Variants in MYOCD observed in about 807,000 individuals in gnomAD.
MYOCD encodes the protein myocardin.
MYOCD carries 32 observed loss-of-function variants against 96.1 expected under a neutral mutation model. The ratio of observed to expected loss-of-function variants is 0.33; its 90% CI spans 0.25 to 0.45. The LOEUF is 0.45. Ranked by LOEUF, MYOCD falls within the 20% of genes least tolerant of loss-of-function variation. MYOCD has a pLI of 1.00. For missense variants in MYOCD, 1,133 were observed against 1,200.6 expected (o/e 0.94, Z 0.83); for synonymous variants, 469 against 469.0 (o/e 1.00, Z 0.00).
At position 12,763,675 on chromosome 17, in the gene MYOCD, C is replaced by CA; in HGVS notation, c.*33dup. 6.4e-7 allele frequency: 1 copy of CA among 1,557,928 alleles called. No homozygotes were observed. On this transcript the variant is annotated 3_prime_UTR_variant, in exon 14 of 14. Coordinates refer to ENST00000425538, the MANE Select transcript of MYOCD (RefSeq NM_001146312.3). ...CCAATGCACCAGTGCTATGGAAGAC[C>CA]AATGGAGTTCCATGGGGGAAAGCAC...
chr17:12,666,166 C>A lies in MYOCD; in HGVS notation c.-23C>A, dbSNP rs1413025146. ...GAACAGGGGGCGCCTGGCCAAGGGA[C>A]CAGCGGCTTGCTGAGACTCAACATG... On this transcript the variant is annotated 5_prime_UTR_variant, in exon 1 of 14. Coordinates refer to ENST00000425538, the MANE Select transcript of MYOCD (RefSeq NM_001146312.3). 1 of 1,609,550 alleles carries A rather than the reference C, an allele frequency of 6.2e-7. No individual in the cohort carries two copies. Among genetic ancestry groups the A allele is most frequent in the Non-Finnish European group, 8.5e-7 (1 of 1,176,506 alleles).
rs1326247814 is a variant in MYOCD at position 12,744,232 on chromosome 17, C to G, written c.767C>G (p.Pro256Arg). 3.7e-6 allele frequency: 6 copies of G among 1,614,176 alleles called. No individual in the cohort carries two copies. The Admixed American group carries it at 1.0e-4, about 27-fold the overall frequency. Residue 256 changes from proline to arginine, a missense_variant, in exon 8 of 14, where the codon CCC (proline) becomes CGC (arginine). By Grantham distance (103) the Pro-to-Arg change is moderately radical (BLOSUM62 -2). Transcript: ENST00000425538. ...SKNRHKKPKDPKPKVKKLKYH... is the reference protein window; with the variant it reads ...SKNRHKKPKDRKPKVKKLKYH... ...AACCGCCACAAAAAGCCCAAGGACCCCAAGCCAAAGGTGAAGAAGCTTAAA... is the reference window on the plus strand; with the variant it reads ...AACCGCCACAAAAAGCCCAAGGACCGCAAGCCAAAGGTGAAGAAGCTTAAA...
At chr17:12,694,296 C>T (rs1031866848) in intron 1 of MYOCD, among the ~76,000 whole-genome samples, 2 of 152,154 alleles carry the variant, frequency 1.3e-5, no homozygotes, top group Admixed American at 6.5e-5. Flanking sequence ...CTGCAGGTGG[C>T]TGTGCCCAGA....
chr17:12,726,859 T>A (rs2032014407), intron 5 of MYOCD, among the ~76,000 whole-genome samples: 1 of 152,304 alleles, frequency 6.6e-6, no homozygotes, highest in South Asian at 2.1e-4. Context: ...AAGAAACCAG[T>A]GCCTTTTCCA....
At chr17:12,744,944 G>A (rs2032618397) in intron 8 of MYOCD, among the ~76,000 whole-genome samples, 1 of 152,220 alleles carries the variant, frequency 6.6e-6, no homozygotes, top group African/African-American at 2.4e-5. Flanking sequence ...AAGTGAAACT[G>A]CCAATAGGTG....
At chr17:12,760,517 A>G (rs2150728275) in intron 12 of MYOCD, 133 bp from the exon 13 acceptor site, 2 of 696,516 alleles carry the variant, frequency 2.9e-6, no homozygotes, top group South Asian at 3.3e-5. Context: ...AGTTATGTGT[A>G]TTTTGCCACA....
At chr17:12,673,620 A>C (rs550051553) in intron 1 of MYOCD, among the ~76,000 whole-genome samples, 1 of 152,350 alleles carries the variant, frequency 6.6e-6, no homozygotes, top group African/African-American at 2.4e-5. Context: ...ATCTGTATGC[A>C]TAACACTACT....
chr17:12,667,905 G>A lies in MYOCD; in HGVS notation c.55+1662G>A, dbSNP rs1481133117. Reference sequence around the variant, plus strand: ...GGCTTTTGTGTCATAAGGAAAGGTAGCTTCGGGAAAACATGATATCACAGC... The same window carrying A: ...GGCTTTTGTGTCATAAGGAAAGGTAACTTCGGGAAAACATGATATCACAGC... On this transcript the variant is annotated intron_variant, in intron 1 of 13. Coordinates refer to ENST00000425538, the MANE Select transcript of MYOCD (RefSeq NM_001146312.3). Among the ~76,000 whole-genome samples the A allele has an allele frequency of 1.3e-5, 2 of 151,672 alleles. 1 individual carries two copies. Among genetic ancestry groups the A allele is most frequent in the Non-Finnish European group, 2.9e-5 (2 of 68,018 alleles).
intron 1 of MYOCD, among the ~76,000 whole-genome samples, chr17:12,692,559 G>A (rs75729733): frequency 0.01 from 1,539 of 152,244 alleles, 25 homozygotes; most frequent in African/African-American, 0.034. Flanking sequence ...TATGTTTTCC[G>A]TTCCCAATGT....
intron 1 of MYOCD, chr17:12,671,885 A>G (rs966142538): frequency 2.0e-5 from 3 of 152,226 alleles, no homozygotes. Flanking sequence ...CTTTATTTTC[A>G]TCTAATTAGC....
chr17:12,671,286 T>C (rs1909697421), intron 1 of MYOCD, among the ~76,000 whole-genome samples: 1 of 152,190 alleles, frequency 6.6e-6, no homozygotes, highest in Non-Finnish European at 1.5e-5. Flanking sequence ...CTAAAGTCTA[T>C]TCAAAAACAT....
chr17:12,727,836 C>T (rs1019057446), intron 5 of MYOCD, among the ~76,000 whole-genome samples: 3 of 152,142 alleles, frequency 2.0e-5, no homozygotes, highest in African/African-American at 4.8e-5. Flanking sequence ...GAAAGCACCG[C>T]GTCTCTTCCC....
intron 5 of MYOCD, among the ~76,000 whole-genome samples, chr17:12,729,923 A>T (rs1173279083): frequency 6.6e-6 from 1 of 152,104 alleles, no homozygotes; most frequent in Non-Finnish European, 1.5e-5. Context: ...TGGCCCTAGG[A>T]TCAGGTGTAT....
chr17:12,706,550 G>A (rs1292033925), intron 2 of MYOCD, among the ~76,000 whole-genome samples: 2 of 152,196 alleles, frequency 1.3e-5, no homozygotes, highest in Non-Finnish European at 2.9e-5. Flanking sequence ...GTACACATCT[G>A]ATTTAAAGTT....
chr17:12,738,971 G>GT (rs2032425917), intron 6 of MYOCD, among the ~76,000 whole-genome samples: 1 of 151,700 alleles, frequency 6.6e-6, no homozygotes, highest in African/African-American at 2.4e-5. Context: ...ATGTATATAT[G>GT]TATATACACA....
rs2033282862 is a variant in MYOCD, at chr17:12,764,604, C to T, written c.*960C>T. 1 of 152,226 alleles carries T rather than the reference C, an allele frequency of 6.6e-6. No individual in the cohort carries two copies. The highest frequency in any genetic ancestry group is 1.5e-5 in the Non-Finnish European group (1 of 68,044). The allele number at this position is 152,226 out of a possible 1,614,324, so 9.4% of individuals were successfully genotyped here. A position where few individuals can be genotyped will look rare whatever the true frequency, so the allele number is the denominator to read the frequency against. On this transcript the variant is annotated 3_prime_UTR_variant, in exon 14 of 14. Transcript: ENST00000425538. ...TTTCACATACCCTGGGATAAACACC[C>T]TGGGTTCCTATAGAAGGACTATTAC...
At chr17:12,733,176 G>A (rs2032228753) in intron 5 of MYOCD, among the ~76,000 whole-genome samples, 1 of 152,034 alleles carries the variant, frequency 6.6e-6, no homozygotes, top group African/African-American at 2.4e-5. Context: ...CAGATGTGGT[G>A]GCAGGTGCCT....
At chr17:12,669,471 A>C (rs971359838) in intron 1 of MYOCD, among the ~76,000 whole-genome samples, 3 of 152,244 alleles carry the variant, frequency 2.0e-5, no homozygotes, top group Non-Finnish European at 4.4e-5. Context: ...ATAAAAATAC[A>C]GAATGCTCAG....
intron 3 of MYOCD, 152 bp from the exon 4 acceptor site, chr17:12,717,194 G>A (rs1256806392): frequency 1.7e-6 from 1 of 598,922 alleles, no homozygotes. Flanking sequence ...ATTACTCGAG[G>A]GGTCTTTGGA....
Sources: allele counts gnomAD v4.1 joint callset (sites outside exome capture counted in the v4.1 genomes callset), GRCh38; gene constraint gnomAD v4.1.1; transcripts MANE v1.5; gene names NCBI Gene and HGNC (gene_info 2026-07-23, HGNC 2026-07-21).